Variants in ABCB5 observed in about 807,000 individuals in gnomAD.
ABCB5 encodes the protein ATP-binding cassette sub-family B member 5.
Under a neutral mutation model 144.2 loss-of-function variants are expected in ABCB5, and 155 were observed. The ratio of observed to expected loss-of-function variants is 1.08; its 90% CI spans 0.94 to 1.23. ABCB5 has a LOEUF of 1.23. Ranked by LOEUF, ABCB5 falls within the 50% of genes most tolerant of loss-of-function variation. The pLI is 0.00. For synonymous variants in ABCB5, 610 were observed against 528.6 expected (o/e 1.15, Z -2.11); for missense variants, 1,830 against 1,520.8 (o/e 1.20, Z -3.38).
At chr7:20,643,762 A>G (rs1340911402) in intron 7 of ABCB5, 130 bp downstream of exon 7, 1 of 964,640 alleles carries the variant, frequency 1.0e-6, no homozygotes, top group Non-Finnish European at 1.5e-6. Context: ...ATTATACACC[A>G]CAAATACTTT....
At chr7:20,730,753 T>C (rs977224328) in intron 23 of ABCB5, among the ~76,000 whole-genome samples, 1 of 152,204 alleles carries the variant, frequency 6.6e-6, no homozygotes, top group Non-Finnish European at 1.5e-5. Context: ...TGTTCTAATA[T>C]AATCCAGGCA....
chr7:20,672,227 A>G (rs190933007), intron 14 of ABCB5, among the ~76,000 whole-genome samples: 11 of 152,258 alleles, frequency 7.2e-5, no homozygotes, highest in African/African-American at 2.4e-4. Flanking sequence ...CAGATGTAGG[A>G]TTAGAAAATA....
chr7:20,626,724 AC>A (rs1023134782), intron 3 of ABCB5, 113 bp downstream of exon 3: 9 of 804,190 alleles, frequency 1.1e-5, no homozygotes, highest in African/African-American at 5.4e-5. Context: ...GAAAGAGGGA[AC>A]TAAAATAATT....
At chr7:20,695,109 A>G (rs1392505188) in intron 16 of ABCB5, among the ~76,000 whole-genome samples, 1 of 152,024 alleles carries the variant, frequency 6.6e-6, no homozygotes, top group African/African-American at 2.4e-5. Flanking sequence ...GAAGAGGGAT[A>G]CTACCTGATT....
intron 4 of ABCB5, among the ~76,000 whole-genome samples, chr7:20,631,783 T>C (rs1784043340): frequency 6.6e-6 from 1 of 152,174 alleles, no homozygotes; most frequent in African/African-American, 2.4e-5. Context: ...GATTGTTGTC[T>C]GATCAGAGAT....
Position 20,641,793 on chromosome 7 carries a change from A to G in ABCB5, c.315-1391A>G, listed in dbSNP as rs73076588. 418 of 152,502 alleles carry G rather than the reference A, an allele frequency of 2.7e-3. 3 individuals are homozygous for G. The highest frequency in any genetic ancestry group is 0.01 in the Middle Eastern group (3 of 294). The allele number at this position is 152,502 out of a possible 1,614,324, so 9.4% of individuals were successfully genotyped here. ...CAGGCAGGTCAAATTCTCATAATCT[A>G]GAGGACTGAATGGAAAGTACTTTTC... is the stretch of plus-strand genomic sequence containing the variant. On this transcript the variant is annotated intron_variant, in intron 5 of 27. Coordinates refer to ENST00000404938, the MANE Select transcript of ABCB5 (RefSeq NM_001163941.2).
chr7:20,648,496 C>T lies in ABCB5; in HGVS notation c.1206+418C>T, dbSNP rs375466504. 9.2e-5 allele frequency among the ~76,000 whole-genome samples: 14 copies of T among 152,172 alleles called. No homozygotes were observed. The East Asian group carries it at 1.2e-3, about 13-fold the overall frequency. ...GGGGCTTTTACTGCAGCAGCAATTG[C>T]GGCTAGTACTTTATCGCCTTTACAC... On this transcript the variant is annotated intron_variant, in intron 11 of 27. Coordinates refer to ENST00000404938, the MANE Select transcript of ABCB5 (RefSeq NM_001163941.2).
intron 16 of ABCB5, among the ~76,000 whole-genome samples, chr7:20,690,086 T>C (rs949107531): frequency 5.3e-5 from 8 of 152,206 alleles, no homozygotes; most frequent in Non-Finnish European, 1.2e-4. Context: ...CTATAGGGAA[T>C]TTCTGAATAG....
chr7:20,707,103 T>C (rs923319772), intron 20 of ABCB5, among the ~76,000 whole-genome samples: 1 of 152,208 alleles, frequency 6.6e-6, no homozygotes, highest in Admixed American at 6.5e-5. Context: ...GGGGGTCATA[T>C]TTCCTATCAT....
intron 1 of ABCB5, among the ~76,000 whole-genome samples, chr7:20,620,453 G>C (rs1373702373): frequency 2.6e-5 from 4 of 151,896 alleles, no homozygotes; most frequent in Admixed American, 2.0e-4. Context: ...TACCCAGAGA[G>C]AAGAAAGACA....
intron 5 of ABCB5, among the ~76,000 whole-genome samples, chr7:20,638,911 G>T (rs564285226): frequency 6.6e-6 from 1 of 152,198 alleles, no homozygotes; most frequent in East Asian, 1.9e-4. Context: ...GTAAATTTAG[G>T]TTTGTCTCTT....
intron 25 of ABCB5, 112 bp from the exon 26 acceptor site, chr7:20,745,120 G>T: frequency 1.7e-6 from 2 of 1,149,332 alleles, no homozygotes; most frequent in Non-Finnish European, 2.5e-6. Flanking sequence ...CTTTGAAATA[G>T]CTTGAATTCC....
At chr7:20,640,423 A>G (rs1784271222) in intron 5 of ABCB5, among the ~76,000 whole-genome samples, 1 of 152,082 alleles carries the variant, frequency 6.6e-6, no homozygotes, top group African/African-American at 2.4e-5. Context: ...GGTCAACAGC[A>G]CTATATCTCA....
intron 20 of ABCB5, 109 bp from the exon 21 acceptor site, chr7:20,722,907 T>C: frequency 1.2e-6 from 1 of 828,502 alleles, no homozygotes; most frequent in Non-Finnish European, 1.9e-6. Context: ...AATTTAAGTA[T>C]AAATTCTTTT....
At chr7:20,638,507 C>A (rs534747947) in intron 5 of ABCB5, among the ~76,000 whole-genome samples, 1 of 152,154 alleles carries the variant, frequency 6.6e-6, no homozygotes, top group Non-Finnish European at 1.5e-5. Context: ...TCATTTGCAA[C>A]CAATCCCTAT....
chr7:20,718,367 G>T (rs1202291000), intron 20 of ABCB5, among the ~76,000 whole-genome samples: 7 of 152,252 alleles, frequency 4.6e-5, no homozygotes, highest in South Asian at 4.1e-4. Flanking sequence ...ATGCCAAATG[G>T]CATCCCCATT....
At chr7:20,620,045 C>A (rs553765129) in intron 1 of ABCB5, among the ~76,000 whole-genome samples, 2 of 152,256 alleles carry the variant, frequency 1.3e-5, no homozygotes, top group Admixed American at 6.5e-5. Flanking sequence ...TCTTTTTGCA[C>A]CAATACCATG....
intron 23 of ABCB5, among the ~76,000 whole-genome samples, chr7:20,733,539 G>A (rs528727558): frequency 6.6e-6 from 1 of 151,984 alleles, no homozygotes; most frequent in Non-Finnish European, 1.5e-5. Context: ...TTAAAGAATA[G>A]TACCACCTTG....
intron 20 of ABCB5, among the ~76,000 whole-genome samples, chr7:20,711,790 T>C (rs867462676): frequency 0.23 from 10,565 of 45,084 alleles, 2,260 homozygotes; most frequent in East Asian, 0.52. Context: ...CTTTCTTTCT[T>C]TCTTTCTTTC....
Sources: gnomAD v4.1 joint callset for allele counts (sites outside exome capture counted in the v4.1 genomes callset) on GRCh38, gnomAD v4.1.1 for gene constraint, MANE v1.5 for transcripts, NCBI Gene and HGNC (gene_info 2026-07-23, HGNC 2026-07-21) for gene names.